The following IL10RB variants were observed in gnomAD, a reference collection of about 807,000 sequenced individuals.
The protein encoded by IL10RB is interleukin-10 receptor subunit beta.
In IL10RB, 30 loss-of-function variants were observed where a neutral mutation model predicts 38.7. The observed-to-expected ratio is 0.78, with a 90% CI of 0.58 to 1.05. IL10RB has a LOEUF of 1.05. Ranked by LOEUF, IL10RB falls within the 50% of genes least tolerant of loss-of-function variation. The pLI is 0.00. For synonymous variants in IL10RB, 142 were observed against 145.9 expected (o/e 0.97, Z 0.19); for missense variants, 328 against 397.1 (o/e 0.83, Z 1.48).
intron 3 of IL10RB, among the ~76,000 whole-genome samples, chr21:33,278,453 A>G (rs556172059): frequency 6.6e-6 from 1 of 152,344 alleles, no homozygotes; most frequent in East Asian, 1.9e-4. Context: ...AGGAAAGATG[A>G]ACAGAAAAGT....
intron 5 of IL10RB, among the ~76,000 whole-genome samples, chr21:33,285,679 A>G (rs1363693400): frequency 3.3e-5 from 5 of 152,186 alleles, no homozygotes; most frequent in African/African-American, 7.2e-5. Flanking sequence ...ATTACCCAAA[A>G]TAAAATAACA....
At chr21:33,283,855 C>T (rs1378663759) in intron 5 of IL10RB, among the ~76,000 whole-genome samples, 1 of 152,174 alleles carries the variant, frequency 6.6e-6, no homozygotes, top group East Asian at 1.9e-4. Flanking sequence ...AGACACATTG[C>T]AGTTGCATGT....
At position 33,296,483 on chromosome 21, in the gene IL10RB, C is replaced by A. The variant is rs1227384022; in HGVS notation, c.*126C>A. 1 of 929,680 alleles carries A rather than the reference C, an allele frequency of 1.1e-6. No homozygotes were observed. Among genetic ancestry groups the A allele is most frequent in the East Asian group, 2.6e-5 (1 of 38,432 alleles). 57.6% of individuals were successfully genotyped at this position (929,680 alleles called of 1,614,324 possible). ...TGAGCCAGCCCCACATCTAGAACTC[C>A]CAGACCCTGGACTTAGCCACCAGAG... On this transcript the variant is annotated 3_prime_UTR_variant, in exon 7 of 7. Transcript: ENST00000290200.
intron 2 of IL10RB, among the ~76,000 whole-genome samples, chr21:33,272,166 T>G (rs1989094354): frequency 6.6e-6 from 1 of 152,238 alleles, no homozygotes; most frequent in African/African-American, 2.4e-5. Context: ...ATCTACTTTT[T>G]GCAAGGGATT....
At chr21:33,306,025 T>A (rs2082998170) in intron 1 of IL10RB, among the ~76,000 whole-genome samples, 1 of 152,006 alleles carries the variant, frequency 6.6e-6, no homozygotes, top group Non-Finnish European at 1.5e-5. Flanking sequence ...AGAGTAAGTG[T>A]TTTACCATGT....
chr21:33,276,561 A>G (rs1010217815), intron 2 of IL10RB, 35 bp from the exon 3 acceptor site: 1 of 1,594,994 alleles, frequency 6.3e-7, no homozygotes, highest in Non-Finnish European at 8.6e-7. Context: ...TGAAGCCAGA[A>G]CTCTCCTGAT....
intron 1 of IL10RB, 58 bp from the exon 2 acceptor site, chr21:33,268,336 T>C: frequency 1.9e-6 from 3 of 1,612,290 alleles, no homozygotes; most frequent in Non-Finnish European, 2.5e-6. Flanking sequence ...TGTGGGCTTT[T>C]TCATGGGCAT....
At chr21:33,304,377 G>A (rs2082993311) in intron 1 of IL10RB, among the ~76,000 whole-genome samples, 1 of 152,192 alleles carries the variant, frequency 6.6e-6, no homozygotes, top group African/African-American at 2.4e-5. Context: ...CAAACACCGA[G>A]TCAGCCGGCA....
rs1988941000 is a variant in IL10RB, at chr21:33,266,409, G to C, written c.-57G>C. The C allele has an allele frequency of 3.9e-6, 6 of 1,525,476 alleles. No homozygotes were observed. The highest frequency in any genetic ancestry group is 5.3e-6 in the Non-Finnish European group (6 of 1,138,034). The allele number at this position is 1,525,476 out of a possible 1,614,324, so 94.5% of individuals were successfully genotyped here. On this transcript the variant is annotated 5_prime_UTR_variant, in exon 1 of 7. Coordinates refer to ENST00000290200, the MANE Select transcript of IL10RB (RefSeq NM_000628.5). ...GAAGCCGCCGCGGACAAGCTCTCCC[G>C]GGCGCGGGCGGGGGTCGTGTGCTTG...
In IL10RB at chr21:33,283,227, A is replaced by G. The variant is rs1180814267; in HGVS notation, c.632A>G (p.Gln211Arg). The stretch of plus-strand genomic sequence containing the variant: ...GAATGGAGTGAGCCTGTCTGTGAGC[A>G]AACAACCCATGACGGTAAGCCCTGA... ...AGEWSEPVCE[Q>R]TTHDETVPSW... The change falls in exon 5 of 7, where the codon CAA becomes CGA. Residue 211 changes from glutamine to arginine, a missense_variant. Transcript: ENST00000290200. The G allele has an allele frequency of 1.2e-6, 2 of 1,613,966 alleles. No individual in the cohort carries two copies. The highest frequency in any genetic ancestry group is 2.2e-5 in the South Asian group (2 of 91,064).
chr21:33,269,935 G>A (rs574912264), intron 2 of IL10RB, among the ~76,000 whole-genome samples: 45 of 152,256 alleles, frequency 3.0e-4, no homozygotes, highest in African/African-American at 1.0e-3. Flanking sequence ...TGGGATTACA[G>A]GCGTGAGCCA....
At chr21:33,267,872 C>A (rs1174607802) in intron 1 of IL10RB, 1 of 188,252 alleles carries the variant, frequency 5.3e-6, no homozygotes, top group Non-Finnish European at 1.1e-5. Context: ...TAGCCCACAT[C>A]TCTTCTTGGT....
chr21:33,274,236 A>C (rs1417619253), intron 2 of IL10RB, among the ~76,000 whole-genome samples: 1 of 152,150 alleles, frequency 6.6e-6, no homozygotes, highest in Non-Finnish European at 1.5e-5. Flanking sequence ...CCCAGGCTGA[A>C]GTGCAGTGGT....
intron 6 of IL10RB, among the ~76,000 whole-genome samples, chr21:33,289,619 C>T (rs1169088364): frequency 6.6e-6 from 1 of 152,138 alleles, no homozygotes; most frequent in Non-Finnish European, 1.5e-5. Context: ...GCAGGGGAGT[C>T]CCAGGAGGTG....
At chr21:33,278,832 G>C (rs1286821231) in intron 3 of IL10RB, among the ~76,000 whole-genome samples, 25 of 152,170 alleles carry the variant, frequency 1.6e-4, no homozygotes, top group Admixed American at 1.6e-3. Context: ...GAGCACTTTA[G>C]AATGATGGAA....
chr21:33,294,061 C>T (rs1989541205), intron 6 of IL10RB: 2 of 471,128 alleles, frequency 4.2e-6, no homozygotes, highest in Non-Finnish European at 8.8e-6. Context: ...GTAGAGGGGC[C>T]TGCTGGCATA....
In IL10RB at chr21:33,288,139, A is replaced by G. The variant is rs376920653; in HGVS notation, c.682A>G (p.Met228Val). The change falls in exon 6 of 7, where the codon ATG becomes GTG. Residue 228 changes from methionine to valine, a missense_variant. Met to Val is a conservative substitution (Grantham distance 21, BLOSUM62 1). Transcript: ENST00000290200. Reference protein sequence around the residue: ...VPSWMVAVILMASVFMVCLAL... With the variant: ...VPSWMVAVILVASVFMVCLAL... ...CTCCTGGATGGTGGCCGTCATCCTC[A>G]TGGCCTCGGTCTTCATGGTCTGCCT... 6.2e-7 allele frequency: 1 copy of G among 1,614,018 alleles called. No individual in the cohort carries two copies. The highest frequency in any genetic ancestry group is 1.7e-5 in the Admixed American group (1 of 60,006).
rs371673395 is a variant in IL10RB at position 33,280,161 on chromosome 21, A to G, written c.498+243A>G. 1.2e-4 allele frequency among the ~76,000 whole-genome samples: 19 copies of G among 152,304 alleles called. No individual in the cohort carries two copies. The East Asian group carries it at 2.1e-3, about 17-fold the overall frequency. On this transcript the variant is annotated intron_variant, in intron 4 of 6. Transcript: ENST00000290200. ...CCTCCCTGAAGGGCAGCTGCAGGGG[A>G]AGGCACAGTTGAGTCAGAGTTAGCT...
chr21:33,270,863 T>G (rs1300366368), intron 2 of IL10RB, among the ~76,000 whole-genome samples: 1 of 151,824 alleles, frequency 6.6e-6, no homozygotes, highest in African/African-American at 2.4e-5. Flanking sequence ...CTAGCAGAGA[T>G]GGGGTTTCAC....
Sources: allele counts gnomAD v4.1 joint callset (sites outside exome capture counted in the v4.1 genomes callset), GRCh38; gene constraint gnomAD v4.1.1; transcripts MANE v1.5; gene names NCBI Gene and HGNC (gene_info 2026-07-23, HGNC 2026-07-21).